The following TLR2 variants were observed in gnomAD, a reference collection of about 807,000 sequenced individuals.
TLR2 encodes toll like receptor 2.
In TLR2, 7 loss-of-function variants were observed where a neutral mutation model predicts 9.1. The ratio of observed to expected loss-of-function variants is 0.77; its 90% CI spans 0.44 to 1.44. TLR2 has a LOEUF of 1.44. Among genes scored for constraint, TLR2 ranks in the 40% most tolerant of loss-of-function variants. TLR2 has a pLI of 0.01. For synonymous variants in TLR2, 317 were observed against 344.6 expected (o/e 0.92, Z 0.89); for missense variants, 812 against 904.6 (o/e 0.90, Z 1.31).
chr4:153,690,563 C>T (rs1736037760), intron 2 of TLR2, among the ~76,000 whole-genome samples: 1 of 152,218 alleles, frequency 6.6e-6, no homozygotes, highest in South Asian at 2.1e-4. Context: ...TCCACACATA[C>T]ATGTACATAA....
Position 153,703,189 on chromosome 4 carries a change from T to A in TLR2, c.282T>A (p.Asp94Glu). The change falls in exon 3 of 3, where the codon GAT (aspartate) becomes GAA (glutamate). Residue 94 changes from aspartate (D) to glutamate (E), a missense_variant. Asp to Glu is a conservative substitution (Grantham distance 45, BLOSUM62 2). Transcript: ENST00000642700. ...ATGGAATTAACACAATAGAGGAAGA[T>A]TCTTTTTCTTCCCTGGGCAGTCTTG... ...TSNGINTIEE[D>E]SFSSLGSLEH... 1.2e-6 allele frequency: 2 copies of A among 1,614,208 alleles called. No homozygotes were observed. The highest frequency in any genetic ancestry group is 1.7e-6 in the Non-Finnish European group (2 of 1,180,024).
downstream of TLR2, among the ~76,000 whole-genome samples, chr4:153,708,467 T>C (rs1204407663): frequency 1.3e-5 from 2 of 152,254 alleles, no homozygotes; most frequent in Non-Finnish European, 1.5e-5. Flanking sequence ...ATTATTGGGA[T>C]GTTTTCAGAG....
At chr4:153,707,609 T>C (rs1483594100), downstream of TLR2, among the ~76,000 whole-genome samples, 1 of 152,148 alleles carries the variant, frequency 6.6e-6, no homozygotes, top group Non-Finnish European at 1.5e-5. Context: ...AAACTTGAGA[T>C]TCCACAGACA....
intron 2 of TLR2, among the ~76,000 whole-genome samples, chr4:153,696,671 A>G (rs978770386): frequency 3.9e-5 from 6 of 152,214 alleles, no homozygotes; most frequent in African/African-American, 1.4e-4. Context: ...GCTTCTAGTA[A>G]TTACAGTTCA....
chr4:153,686,608 G>A (rs1735724370), intron 1 of TLR2, among the ~76,000 whole-genome samples: 1 of 152,012 alleles, frequency 6.6e-6, no homozygotes, highest in Admixed American at 6.6e-5. Flanking sequence ...CATAACTGTA[G>A]ATAAACGTTT....
At chr4:153,693,434 C>T (rs1169861199) in intron 2 of TLR2, among the ~76,000 whole-genome samples, 1 of 152,204 alleles carries the variant, frequency 6.6e-6, no homozygotes, top group Non-Finnish European at 1.5e-5. Flanking sequence ...TGCTAAGCCT[C>T]TATATCACCC....
Position 153,705,372 on chromosome 4 carries a change from T to A in TLR2, c.*110T>A. 1 of 1,202,384 alleles carries A rather than the reference T, an allele frequency of 8.3e-7. No individual in the cohort carries two copies. Among genetic ancestry groups the A allele is most frequent in the Non-Finnish European group, 1.1e-6 (1 of 897,222 alleles). The allele number at this position is 1,202,384 out of a possible 1,614,324, so 74.5% of individuals were successfully genotyped here. A position where few individuals can be genotyped will look rare whatever the true frequency, so the allele number is the denominator to read the frequency against. On this transcript the variant is annotated 3_prime_UTR_variant, in exon 3 of 3. Coordinates refer to ENST00000642700, the MANE Select transcript of TLR2 (RefSeq NM_001318789.2). ...AAAAACTACGTGGATGTACCGTCAT[T>A]TGAGGACTTGCTTACTAAAACTACA...
At chr4:153,686,009 A>G (rs990602213) in intron 1 of TLR2, among the ~76,000 whole-genome samples, 1 of 152,248 alleles carries the variant, frequency 6.6e-6, no homozygotes, top group African/African-American at 2.4e-5. Context: ...CATGATGGAA[A>G]GCATCACATG....
rs369848678 is a variant in TLR2 at position 153,700,612 on chromosome 4, G to A, written c.-16-2280G>A. ...TTTATAATAATATTCAAAGGGGCAAGAATAACCAAGACACATTTGAAGAAG... is the reference window on the plus strand; with the variant it reads ...TTTATAATAATATTCAAAGGGGCAAAAATAACCAAGACACATTTGAAGAAG... On this transcript the variant is annotated intron_variant, in intron 2 of 2. Transcript: ENST00000642700. Among the ~76,000 whole-genome samples, 44 of 152,148 alleles carry A rather than the reference G, an allele frequency of 2.9e-4. No homozygotes were observed. In the East Asian group the frequency reaches 7.9e-3, roughly 27 times the overall value.
intron 2 of TLR2, among the ~76,000 whole-genome samples, chr4:153,700,068 G>A (rs1736777678): frequency 6.6e-6 from 1 of 152,148 alleles, no homozygotes; most frequent in Non-Finnish European, 1.5e-5. Flanking sequence ...GTCATATAGT[G>A]AGAGAGGGAG....
Position 153,703,236 on chromosome 4 carries a change from ATTAC to A in TLR2, c.333_336del (p.Ser113IlefsTer13). On this transcript the variant is annotated frameshift_variant, in exon 3 of 3. Coordinates refer to ENST00000642700, the MANE Select transcript of TLR2 (RefSeq NM_001318789.2). LOFTEE classifies it low-confidence loss of function (END_TRUNC). The stretch of plus-strand genomic sequence containing the variant: ...CTTGAACATTTAGACTTATCCTATA[ATTAC>A]TTATCTAATTTATCGTCTTCCTGGT... The A allele has an allele frequency of 6.2e-7, 1 of 1,614,020 alleles. No individual in the cohort carries two copies.
chr4:153,706,987 C>T (rs368693169), downstream of TLR2, among the ~76,000 whole-genome samples: 15 of 151,970 alleles, frequency 9.9e-5, no homozygotes, highest in African/African-American at 3.4e-4. Flanking sequence ...ACTATGGGTT[C>T]GTGTGTGGGG....
intron 2 of TLR2, among the ~76,000 whole-genome samples, chr4:153,694,564 A>G (rs536394707): frequency 6.6e-6 from 1 of 152,176 alleles, no homozygotes; most frequent in Admixed American, 6.5e-5. Flanking sequence ...TACATAGTAG[A>G]TGTATATATT....
At chr4:153,701,447 T>G (rs1447693055) in intron 2 of TLR2, 1 of 152,248 alleles carries the variant, frequency 6.6e-6, no homozygotes, top group Non-Finnish European at 1.5e-5. Flanking sequence ...AGAGCTATAA[T>G]AAATACATTT....
chr4:153,700,610 A>AATAATATTC lies in TLR2; in HGVS notation c.-16-2281_-16-2280insTAATATTCA, dbSNP rs1241660031. 3.0e-4 allele frequency among the ~76,000 whole-genome samples: 45 copies of AATAATATTC among 152,360 alleles called. No homozygotes were observed. The East Asian group carries it at 7.9e-3, about 27-fold the overall frequency. Reference sequence around the variant, plus strand: ...CATTTATAATAATATTCAAAGGGGCAAGAATAACCAAGACACATTTGAAGA... The same window carrying AATAATATTC: ...CATTTATAATAATATTCAAAGGGGCAATAATATTCAGAATAACCAAGACACATTTGAAGA... On this transcript the variant is annotated intron_variant, in intron 2 of 2. Coordinates refer to ENST00000642700, the MANE Select transcript of TLR2 (RefSeq NM_001318789.2).
chr4:153,695,438 C>A (rs770733835), intron 2 of TLR2, among the ~76,000 whole-genome samples: 6 of 152,072 alleles, frequency 3.9e-5, no homozygotes, highest in Non-Finnish European at 7.4e-5. Flanking sequence ...ATGTTGAGCA[C>A]CTTTTTATAT....
At chr4:153,687,305 CAG>C (rs935085906) in intron 1 of TLR2, among the ~76,000 whole-genome samples, 1 of 151,968 alleles carries the variant, frequency 6.6e-6, no homozygotes, top group African/African-American at 2.4e-5. Context: ...GAAATCAGAA[CAG>C]GGGAAATAAT....
intron 2 of TLR2, among the ~76,000 whole-genome samples, chr4:153,700,163 CTT>C (rs1287084085): frequency 1.3e-5 from 2 of 152,074 alleles, no homozygotes; most frequent in African/African-American, 4.8e-5. Flanking sequence ...TGAAAACTAA[CTT>C]ATTACCATGA....
In TLR2 at chr4:153,702,879, CTT is replaced by C; in HGVS notation, c.-16-10_-16-9del. ...CAAACACAATGACTTATTTGAACCTCTTTTATTTGTAGGTTGAAGCACTGGAC... is the reference window on the plus strand; with the variant it reads ...CAAACACAATGACTTATTTGAACCTCTTATTTGTAGGTTGAAGCACTGGAC... On this transcript the variant is annotated splice_polypyrimidine_tract_variant and intron_variant, in intron 2 of 2. Transcript: ENST00000642700. The C allele has an allele frequency of 1.3e-6, 2 of 1,559,696 alleles. No individual in the cohort carries two copies. The highest frequency in any genetic ancestry group is 1.7e-6 in the Non-Finnish European group (2 of 1,155,060).
Sources: allele counts gnomAD v4.1 joint callset (sites outside exome capture counted in the v4.1 genomes callset), GRCh38; gene constraint gnomAD v4.1.1; transcripts MANE v1.5; gene names NCBI Gene and HGNC (gene_info 2026-07-23, HGNC 2026-07-21).